Variants in LRFN5 observed in about 807,000 individuals in gnomAD.
LRFN5 encodes the protein leucine-rich repeat and fibronectin type-III domain-containing protein 5.
Under a neutral mutation model 45.6 loss-of-function variants are expected in LRFN5, and 24 were observed. That is an observed-to-expected ratio of 0.53 (90% CI 0.38 to 0.74). The LOEUF (loss-of-function observed/expected upper bound fraction) is 0.74, where lower values mean the gene tolerates loss of function less well. LRFN5 is among the 30% of genes least tolerant of loss of function. The probability of loss-of-function intolerance (pLI) is 0.00; values close to 1 mark genes in which losing one functional copy is unlikely to be tolerated. For missense variants in LRFN5, 776 were observed against 861.5 expected, an observed-to-expected ratio of 0.90 and a Z score of 1.24; for synonymous variants, 340 against 313.8, an observed-to-expected ratio of 1.08 and a Z score of -0.88.
At chr14:41,901,230 G>A (rs774891349) in intron 5 of LRFN5, among the ~76,000 whole-genome samples, 34 of 152,146 alleles carry the variant, frequency 2.2e-4, no homozygotes, top group African/African-American at 3.9e-4. Context: ...ATAACTCTAC[G>A]TGGAAATTGA....
At chr14:41,864,526 C>T (rs941918610) in intron 2 of LRFN5, among the ~76,000 whole-genome samples, 3 of 152,084 alleles carry the variant, frequency 2.0e-5, no homozygotes, top group Admixed American at 6.6e-5. Flanking sequence ...CCTTTTATAG[C>T]GACATGAGTT....
chr14:41,869,433 T>C (rs1258793556), intron 2 of LRFN5, among the ~76,000 whole-genome samples: 2 of 151,870 alleles, frequency 1.3e-5, no homozygotes, highest in African/African-American at 2.4e-5. Flanking sequence ...TGCAGCTTTT[T>C]TTTTTTTAAA....
intron 1 of LRFN5, among the ~76,000 whole-genome samples, chr14:41,620,764 G>GT (rs895667802): frequency 7.8e-4 from 116 of 148,516 alleles, no homozygotes; most frequent in Middle Eastern, 6.9e-3. Context: ...GGGGAAAGCA[G>GT]TTTTTTTTTT....
At chr14:41,667,685 T>C (rs1880968705) in intron 1 of LRFN5, among the ~76,000 whole-genome samples, 1 of 152,082 alleles carries the variant, frequency 6.6e-6, no homozygotes, top group Admixed American at 6.5e-5. Flanking sequence ...TAGACCTCTA[T>C]CTATAAAATT....
chr14:41,690,434 T>G (rs1004113242), intron 1 of LRFN5, among the ~76,000 whole-genome samples: 3 of 152,078 alleles, frequency 2.0e-5, no homozygotes, highest in African/African-American at 7.2e-5. Flanking sequence ...GCACCTGTAG[T>G]CGCAGCTACT....
intron 2 of LRFN5, among the ~76,000 whole-genome samples, chr14:41,844,402 A>G (rs937353072): frequency 2.7e-5 from 4 of 149,368 alleles, no homozygotes; most frequent in Admixed American, 2.0e-4. Context: ...TTGCCACCAC[A>G]CTCCAGCCTG....
chr14:41,768,678 C>T (rs1024842282), intron 2 of LRFN5, among the ~76,000 whole-genome samples: 2 of 151,906 alleles, frequency 1.3e-5, no homozygotes, highest in Non-Finnish European at 2.9e-5. Flanking sequence ...ACAAGAAACT[C>T]CAGAGATTTT....
intron 1 of LRFN5, among the ~76,000 whole-genome samples, chr14:41,707,207 A>G (rs531490554): frequency 5.9e-5 from 9 of 152,356 alleles, no homozygotes; most frequent in Non-Finnish European, 1.2e-4. Flanking sequence ...GGTGGAAGGC[A>G]AGAATATACA....
At chr14:41,796,580 A>C (rs976463299) in intron 2 of LRFN5, among the ~76,000 whole-genome samples, 3 of 151,914 alleles carry the variant, frequency 2.0e-5, no homozygotes, top group African/African-American at 7.2e-5. Flanking sequence ...TGTTATAAGT[A>C]CTTTAGTATA....
In LRFN5 at chr14:41,865,384, A is replaced by G. The variant is rs183136935; in HGVS notation, c.-20-21222A>G. On this transcript the variant is annotated intron_variant, in intron 2 of 5. Transcript: ENST00000298119. ...CATGATTTCAAGGTTCATTTATGGT[A>G]TTGCGTATATCAGTACTGCATTATT... Among the ~76,000 whole-genome samples, 4 of 152,290 alleles carry G rather than the reference A, an allele frequency of 2.6e-5. No homozygotes were observed. The East Asian group carries it at 7.7e-4, about 29-fold the overall frequency.
intron 1 of LRFN5, among the ~76,000 whole-genome samples, chr14:41,759,404 C>G (rs1885551098): frequency 6.7e-6 from 1 of 149,490 alleles, no homozygotes; most frequent in Admixed American, 6.7e-5. Flanking sequence ...TATATATGTT[C>G]CAGTATTTTT....
chr14:41,739,733 T>G (rs1204791082), intron 1 of LRFN5, among the ~76,000 whole-genome samples: 1 of 147,188 alleles, frequency 6.8e-6, no homozygotes, highest in African/African-American at 2.5e-5. Flanking sequence ...ATAAGCAAAA[T>G]AGAGACTAGA....
intron 2 of LRFN5, among the ~76,000 whole-genome samples, chr14:41,841,561 T>C (rs189369947): frequency 0.016 from 2,393 of 152,112 alleles, 29 homozygotes; most frequent in Non-Finnish European, 0.023. Flanking sequence ...TATTTTTATA[T>C]TTATGTACTG....
At chr14:41,634,139 C>G (rs568158072) in intron 1 of LRFN5, among the ~76,000 whole-genome samples, 1 of 152,114 alleles carries the variant, frequency 6.6e-6, no homozygotes, top group Admixed American at 6.6e-5. Flanking sequence ...AAAATAAACT[C>G]ATACTATGTA....
intron 1 of LRFN5, among the ~76,000 whole-genome samples, chr14:41,615,364 A>G (rs79792409): frequency 1.2e-4 from 18 of 152,248 alleles, no homozygotes; most frequent in Non-Finnish European, 2.2e-4. Flanking sequence ...CTGAGATAGT[A>G]CTTCTAGTGT....
chr14:41,748,168 G>C (rs1453943008), intron 1 of LRFN5, among the ~76,000 whole-genome samples: 1 of 151,968 alleles, frequency 6.6e-6, no homozygotes, highest in Non-Finnish European at 1.5e-5. Context: ...TTCCACTTTG[G>C]GGTATAGAAG....
intron 2 of LRFN5, among the ~76,000 whole-genome samples, chr14:41,796,935 T>G (rs751040319): frequency 2.2e-4 from 33 of 149,314 alleles, no homozygotes; most frequent in Non-Finnish European, 4.7e-4. Flanking sequence ...TATTTCTAAT[T>G]GTATATTCTC....
chr14:41,812,057 G>A (rs187050234), intron 2 of LRFN5, among the ~76,000 whole-genome samples: 48 of 152,040 alleles, frequency 3.2e-4, no homozygotes, highest in African/African-American at 1.1e-3. Flanking sequence ...AAGTTATTCT[G>A]GTGAATATGG....
chr14:41,763,982 G>A (rs1885772350), intron 1 of LRFN5, among the ~76,000 whole-genome samples: 1 of 151,992 alleles, frequency 6.6e-6, no homozygotes, highest in African/African-American at 2.4e-5. Flanking sequence ...CTAAGAAATT[G>A]ACCATAATTT....
Sources: allele counts gnomAD v4.1 joint callset (sites outside exome capture counted in the v4.1 genomes callset), GRCh38; gene constraint gnomAD v4.1.1; transcripts MANE v1.5; gene names NCBI Gene and HGNC (gene_info 2026-07-23, HGNC 2026-07-21).